The following CCNB3 variants were observed in gnomAD, a reference collection of about 807,000 sequenced individuals.
CCNB3 encodes G2/mitotic-specific cyclin-B3.
In CCNB3, 12 loss-of-function variants were observed where a neutral mutation model predicts 68.0. The ratio of observed to expected loss-of-function variants is 0.18; its 90% CI spans 0.11 to 0.29. CCNB3 has a LOEUF of 0.29. Ranked by LOEUF, CCNB3 falls within the 10% of genes least tolerant of loss-of-function variation. CCNB3 has a pLI of 1.00. For missense variants in CCNB3, 904 were observed against 993.1 expected (o/e 0.91, Z 1.21); for synonymous variants, 354 against 388.9 (o/e 0.91, Z 1.06).
intron 9 of CCNB3, among the ~76,000 whole-genome samples, chrX:50,344,959 C>G (rs957768695): frequency 9.0e-6 from 1 of 110,748 alleles, no homozygotes; most frequent in Admixed American, 9.6e-5. Flanking sequence ...CCAAGGATTT[C>G]AAAGAACTTT....
At chrX:50,211,507 C>CCAAA (rs1324199146) in intron 1 of CCNB3, among the ~76,000 whole-genome samples, 20 of 110,754 alleles carry the variant, frequency 1.8e-4, no homozygotes, top group Non-Finnish European at 3.4e-4. Flanking sequence ...TCGGTCTCTA[C>CCAAA]CAAACAAACA....
At chrX:50,331,730 T>C (rs1557218083) in intron 8 of CCNB3, among the ~76,000 whole-genome samples, 1 of 111,913 alleles carries the variant, frequency 8.9e-6, no homozygotes, top group Non-Finnish European at 1.9e-5. Flanking sequence ...CTGGCACATG[T>C]AGTTCATCAT....
chrX:50,279,394 A>G (rs1328116979), intron 1 of CCNB3, among the ~76,000 whole-genome samples: 1 of 78,204 alleles, frequency 1.3e-5, no homozygotes, highest in Non-Finnish European at 2.3e-5. Context: ...AATATTTTGT[A>G]TATTCATATA....
At chrX:50,336,735 G>A (rs1406254522) in intron 8 of CCNB3, among the ~76,000 whole-genome samples, 1 of 111,115 alleles carries the variant, frequency 9.0e-6, no homozygotes, top group Non-Finnish European at 1.9e-5. Context: ...TACTGTCTTA[G>A]CCTCTCCATG....
intron 1 of CCNB3, among the ~76,000 whole-genome samples, chrX:50,283,942 T>C (rs186603782): frequency 1.8e-5 from 2 of 110,583 alleles, no homozygotes; most frequent in East Asian, 5.6e-4. Flanking sequence ...GATTTAATCA[T>C]TATTTCTATC....
rs767623691 is a variant in CCNB3, at chrX:50,285,319, G to A, written c.96+60G>A. On this transcript the variant is annotated intron_variant, in intron 3 of 12. Coordinates refer to ENST00000376042, the MANE Select transcript of CCNB3 (RefSeq NM_033031.3). ...GGTAGTCTCTTCCTGTGTTGGCTCAGTACCTATCCTCACCTGTGAGTCTTT... is the reference window on the plus strand; with the variant it reads ...GGTAGTCTCTTCCTGTGTTGGCTCAATACCTATCCTCACCTGTGAGTCTTT... The A allele has an allele frequency of 8.0e-6, 7 of 871,836 alleles. No homozygotes were observed. In the East Asian group the frequency reaches 1.9e-4, roughly 23 times the overall value. The allele number at this position is 871,836 out of a possible 1,213,427, so 71.8% of individuals were successfully genotyped here.
At chrX:50,279,166 T>C (rs1324884173) in intron 1 of CCNB3, among the ~76,000 whole-genome samples, 2 of 46 alleles carry the variant, frequency 0.043, no homozygotes, top group Non-Finnish European at 0.091. Context: ...ATATATTCTA[T>C]ATATATATGA....
chrX:50,343,034 A>T (rs1256532083), intron 9 of CCNB3, among the ~76,000 whole-genome samples: 3 of 111,125 alleles, frequency 2.7e-5, no homozygotes, highest in South Asian at 3.9e-4. Flanking sequence ...TTACTTATTT[A>T]AAAAAAATAA....
intron 1 of CCNB3, among the ~76,000 whole-genome samples, chrX:50,279,596 G>C (rs1936056147): frequency 1.2e-5 from 1 of 85,965 alleles, no homozygotes; most frequent in East Asian, 3.4e-4. Context: ...ATATTCATAT[G>C]TAAATGTATA....
chrX:50,285,991 T>C (rs892660640), intron 3 of CCNB3, among the ~76,000 whole-genome samples: 1 of 112,159 alleles, frequency 8.9e-6, no homozygotes, highest in African/African-American at 3.2e-5. Context: ...TTCGGATTAG[T>C]GTTCTGCCAT....
rs1936214723 is a variant in CCNB3, at chrX:50,285,201, T to C, written c.38T>C (p.Val13Ala). The C allele has an allele frequency of 3.3e-6, 4 of 1,209,042 alleles. No homozygotes were observed. Among genetic ancestry groups the C allele is most frequent in the African/African-American group, 3.5e-5 (2 of 57,103 alleles). ...LPLPPQSSKP[V>A]PKKSQSSKIV... ...CTACCACCCCAGAGCTCCAAACCTGTGCCTAAGAAATCTCAGTCCAGCAAA... is the reference window on the plus strand; with the variant it reads ...CTACCACCCCAGAGCTCCAAACCTGCGCCTAAGAAATCTCAGTCCAGCAAA... Residue 13 changes from valine (V) to alanine (A), a missense_variant, in exon 3 of 13, where the codon GTG becomes GCG. Coordinates refer to ENST00000376042, the MANE Select transcript of CCNB3 (RefSeq NM_033031.3).
At chrX:50,329,101 G>A (rs1237470270) in intron 8 of CCNB3, among the ~76,000 whole-genome samples, 2 of 112,074 alleles carry the variant, frequency 1.8e-5, no homozygotes, top group Non-Finnish European at 3.8e-5. Flanking sequence ...TCATGGGCTG[G>A]AGTTGAGTTC....
chrX:50,225,842 C>T (rs1372894524), intron 1 of CCNB3, among the ~76,000 whole-genome samples: 1 of 105,747 alleles, frequency 9.5e-6, no homozygotes, highest in Non-Finnish European at 1.9e-5. Flanking sequence ...GTCTATTAGA[C>T]ATCCAAGTGG....
At chrX:50,338,195 C>T (rs953884232) in intron 8 of CCNB3, among the ~76,000 whole-genome samples, 3 of 112,230 alleles carry the variant, frequency 2.7e-5, no homozygotes, top group Non-Finnish European at 5.6e-5. Context: ...AGGCCTAAGC[C>T]GCCTAAGGGG....
At chrX:50,300,329 G>C (rs1285769026) in intron 5 of CCNB3, among the ~76,000 whole-genome samples, 1 of 111,171 alleles carries the variant, frequency 9.0e-6, no homozygotes, top group Admixed American at 9.6e-5. Flanking sequence ...GGCAGGCCTG[G>C]TGGTGACAAA....
At chrX:50,300,600 C>A (rs1355450824) in intron 5 of CCNB3, among the ~76,000 whole-genome samples, 1 of 111,224 alleles carries the variant, frequency 9.0e-6, no homozygotes, top group East Asian at 2.8e-4. Flanking sequence ...GTGAATCTTA[C>A]AATAATGTGT....
intron 1 of CCNB3, among the ~76,000 whole-genome samples, chrX:50,205,558 G>A (rs1343187021): frequency 2.7e-5 from 3 of 112,604 alleles, no homozygotes. Flanking sequence ...CAGTGGCTGC[G>A]GCAGGAGGAT....
Position 50,309,554 on chromosome X carries a change from C to T in CCNB3, c.1385C>T (p.Thr462Ile), listed in dbSNP as rs1247106680. 8.3e-7 allele frequency: 1 copy of T among 1,209,413 alleles called. No homozygotes were observed. Among genetic ancestry groups the T allele is most frequent in the African/African-American group, 1.8e-5 (1 of 57,031 alleles). The change falls in exon 6 of 13, where the codon ACT becomes ATT. Residue 462 changes from threonine to isoleucine, a missense_variant. Around this residue, in one of 2 missense-constraint regions of CCNB3, gnomAD observed 619 missense variants for 609.8 expected, o/e 1.02. Transcript: ENST00000376042. Reference sequence around the variant, plus strand: ...CCCTCGTCCTTGCTAAAGTCTCCAACTGAGGAGTCACCTTTTGATGAGGCT... The same window carrying T: ...CCCTCGTCCTTGCTAAAGTCTCCAATTGAGGAGTCACCTTTTGATGAGGCT... ...KEPSSLLKSP[T>I]EESPFDEALA...
intron 1 of CCNB3, among the ~76,000 whole-genome samples, chrX:50,227,863 GAATATATAAATATATAGAGAGAA>G (rs2147001321): frequency 1.3e-5 from 1 of 78,497 alleles, no homozygotes; most frequent in East Asian, 3.5e-4. Flanking sequence ...TATATATGGA[GAATATATAAATATATAGAGAGAA>G]AATATATAAA....
Sources: allele counts gnomAD v4.1 joint callset (sites outside exome capture counted in the v4.1 genomes callset), GRCh38; gene constraint gnomAD v4.1.1; regional missense constraint gnomAD v4.1.1; transcripts MANE v1.5; gene names NCBI Gene and HGNC (gene_info 2026-07-23, HGNC 2026-07-21).